GREB1L: variants seen among roughly 807,000 people sequenced by gnomAD.
GREB1L encodes the protein GREB1 like retinoic acid receptor coactivator.
GREB1L carries 17 observed loss-of-function variants against 200.8 expected under a neutral mutation model. The ratio of observed to expected loss-of-function variants is 0.08; its 90% CI spans 0.06 to 0.13. The LOEUF is 0.13. Ranked by LOEUF, GREB1L falls within the 10% of genes least tolerant of loss-of-function variation. The pLI is 1.00. For synonymous variants in GREB1L, 789 were observed against 893.0 expected (o/e 0.88, Z 2.08); for missense variants, 1,657 against 2,367.7 (o/e 0.70, Z 6.23).
chr18:21,488,534 T>G (rs2036210713), intron 18 of GREB1L, among the ~76,000 whole-genome samples: 1 of 152,170 alleles, frequency 6.6e-6, no homozygotes, highest in Admixed American at 6.5e-5. Flanking sequence ...GTGGCTGCAT[T>G]GCTACCAAAT....
chr18:21,371,466 A>AC (rs1396968538), intron 2 of GREB1L, among the ~76,000 whole-genome samples: 3 of 141,026 alleles, frequency 2.1e-5, no homozygotes, highest in Non-Finnish European at 4.7e-5. Context: ...CAATGATACA[A>AC]TTTTTTTTTT....
At chr18:21,316,605 T>G in intron 1 of GREB1L, among the ~76,000 whole-genome samples, 1 of 152,184 alleles carries the variant, frequency 6.6e-6, no homozygotes, top group Non-Finnish European at 1.5e-5. Context: ...TTTTCCCATG[T>G]TACCTGGCTG....
intron 11 of GREB1L, among the ~76,000 whole-genome samples, chr18:21,446,849 T>C (rs1461969057): frequency 6.6e-6 from 1 of 152,222 alleles, no homozygotes; most frequent in Non-Finnish European, 1.5e-5. Flanking sequence ...GAAGGAACCA[T>C]ACCTCTTCAC....
intron 1 of GREB1L, among the ~76,000 whole-genome samples, chr18:21,281,638 T>C (rs1204163502): frequency 6.6e-6 from 1 of 152,256 alleles, no homozygotes; most frequent in Admixed American, 6.5e-5. Flanking sequence ...AAAATTTTGG[T>C]ACATGTCCAT....
At chr18:21,304,533 G>A (rs76364694) in intron 1 of GREB1L, among the ~76,000 whole-genome samples, 2,771 of 151,914 alleles carry the variant, frequency 0.018, 29 homozygotes, top group Non-Finnish European at 0.028. Context: ...AAAAGTACGT[G>A]TGACCTTTCC....
chr18:21,339,152 A>G (rs1444799997), intron 1 of GREB1L, among the ~76,000 whole-genome samples: 1 of 151,874 alleles, frequency 6.6e-6, no homozygotes, highest in African/African-American at 2.4e-5. Context: ...GCACCTCTGC[A>G]CTCCATCCTG....
At chr18:21,305,692 A>G (rs186040851) in intron 1 of GREB1L, among the ~76,000 whole-genome samples, 2 of 152,292 alleles carry the variant, frequency 1.3e-5, no homozygotes, top group Admixed American at 1.3e-4. Context: ...TGAAAACCCT[A>G]TGGCAACTTC....
intron 32 of GREB1L, among the ~76,000 whole-genome samples, chr18:21,521,549 T>C (rs1051025588): frequency 4.6e-5 from 7 of 152,082 alleles, no homozygotes; most frequent in African/African-American, 1.4e-4. Context: ...CTTATTTATT[T>C]ATTTATTTAT....
At chr18:21,278,389 A>AAAT (rs1555624349) in intron 1 of GREB1L, among the ~76,000 whole-genome samples, 1,820 of 125,560 alleles carry the variant, frequency 0.014, 36 homozygotes, top group African/African-American at 0.046. Flanking sequence ...TCAAAAAAAA[A>AAAT]AAATAAATAA....
intron 1 of GREB1L, among the ~76,000 whole-genome samples, chr18:21,347,428 T>G (rs1186834388): frequency 2.6e-5 from 4 of 151,960 alleles, no homozygotes; most frequent in African/African-American, 7.2e-5. Flanking sequence ...TTCTCCATCT[T>G]CTTTGCTGGT....
chr18:21,336,064 T>C (rs775543000), intron 1 of GREB1L, among the ~76,000 whole-genome samples: 14 of 152,158 alleles, frequency 9.2e-5, no homozygotes, highest in Non-Finnish European at 1.6e-4. Context: ...TCTATCTTGG[T>C]CTCCTCTGTT....
intron 7 of GREB1L, among the ~76,000 whole-genome samples, chr18:21,428,196 CAAAAAAAAAAAAAA>C (rs60750456): frequency 7.5e-4 from 36 of 48,172 alleles, no homozygotes; most frequent in Middle Eastern, 0.016. Flanking sequence ...GACTCCGTCT[CAAAAAAAAAAAAAA>C]AAAAAAAAAA....
intron 7 of GREB1L, among the ~76,000 whole-genome samples, chr18:21,429,291 CCCTCTCCTCTCCTCT>C (rs911355646): frequency 8.4e-6 from 1 of 118,946 alleles, no homozygotes; most frequent in Non-Finnish European, 1.8e-5. Context: ...TCCTCCCCTC[CCCTCTCCTCTCCTCT>C]CCTCTCCTCT....
chr18:21,320,959 C>G (rs986793104), intron 1 of GREB1L, among the ~76,000 whole-genome samples: 7 of 152,126 alleles, frequency 4.6e-5, no homozygotes, highest in African/African-American at 1.4e-4. Context: ...TGCATAACTA[C>G]TGTTCCTAAA....
At chr18:21,285,856 G>A (rs773110233) in intron 1 of GREB1L, among the ~76,000 whole-genome samples, 3 of 151,822 alleles carry the variant, frequency 2.0e-5, no homozygotes, top group Non-Finnish European at 4.4e-5. Context: ...ATACTTGCTT[G>A]TGGGGTAGAG....
chr18:21,403,377 T>A (rs1477594241), intron 6 of GREB1L, among the ~76,000 whole-genome samples: 2 of 152,180 alleles, frequency 1.3e-5, no homozygotes, highest in Non-Finnish European at 2.9e-5. Context: ...GCATTTAAAA[T>A]TTTTCTCTAC....
At chr18:21,507,141 C>T (rs891991201) in intron 25 of GREB1L, among the ~76,000 whole-genome samples, 1 of 152,112 alleles carries the variant, frequency 6.6e-6, no homozygotes, top group South Asian at 2.1e-4. Context: ...TTCTTGGTGT[C>T]ACTGAAAACT....
chr18:21,383,798 T>A (rs2040423385), intron 3 of GREB1L, 123 bp downstream of exon 3: 2 of 944,716 alleles, frequency 2.1e-6, no homozygotes, highest in Non-Finnish European at 3.2e-6. Context: ...CTGCAACGTC[T>A]GCCTCCTGGG....
chr18:21,478,541 G>A (rs1293110589), intron 17 of GREB1L, among the ~76,000 whole-genome samples: 1 of 152,304 alleles, frequency 6.6e-6, no homozygotes, highest in South Asian at 2.1e-4. Flanking sequence ...AAGTAGGTAA[G>A]TTCTCTGACT....
Sources: allele counts gnomAD v4.1 joint callset (sites outside exome capture counted in the v4.1 genomes callset), GRCh38; gene constraint gnomAD v4.1.1; transcripts MANE v1.5; gene names NCBI Gene and HGNC (gene_info 2026-07-23, HGNC 2026-07-21).